ZNF532: variants seen among roughly 807,000 people sequenced by gnomAD.
ZNF532 encodes zinc finger protein 532.
In ZNF532, 22 loss-of-function variants were observed where a neutral mutation model predicts 89.3. The ratio of observed to expected loss-of-function variants is 0.25; its 90% CI spans 0.18 to 0.35. ZNF532 has a LOEUF of 0.35. ZNF532 is among the 10% of genes least tolerant of loss of function. The pLI, the probability that ZNF532 is intolerant of heterozygous loss-of-function variation, is 1.00. For synonymous variants in ZNF532, 606 were observed against 649.6 expected (o/e 0.93, Z 1.02); for missense variants, 1,132 against 1,643.4 (o/e 0.69, Z 5.38).
intron 3 of ZNF532, among the ~76,000 whole-genome samples, chr18:58,925,730 T>G (rs1048089036): frequency 2.6e-5 from 4 of 152,264 alleles, no homozygotes; most frequent in African/African-American, 9.6e-5. Flanking sequence ...CAACGTTTTA[T>G]AATTCTGTGA....
chr18:58,868,846 TAGAC>T (rs1275455833), intron 2 of ZNF532, among the ~76,000 whole-genome samples: 1 of 152,228 alleles, frequency 6.6e-6, no homozygotes, highest in African/African-American at 2.4e-5. Flanking sequence ...AATGTATCAT[TAGAC>T]AGTCTTGTCA....
At chr18:58,947,501 G>A (rs1467645680) in intron 5 of ZNF532, among the ~76,000 whole-genome samples, 2 of 152,140 alleles carry the variant, frequency 1.3e-5, no homozygotes, top group African/African-American at 2.4e-5. Flanking sequence ...CAGTGGTATC[G>A]ATTTTATTTT....
Position 58,920,024 on chromosome 18 carries a change from T to C in ZNF532, c.1737T>C (p.Ser579=). 1 of 1,613,832 alleles carries C rather than the reference T, an allele frequency of 6.2e-7. No homozygotes were observed. The highest frequency in any genetic ancestry group is 8.5e-7 in the Non-Finnish European group (1 of 1,179,812). Reference sequence around the variant, plus strand: ...AGGTGGTGTCGTCCTTGCAGAGTTCTGTGGTGGAAGCTTTCAACAAGGTGC... The same window carrying C: ...AGGTGGTGTCGTCCTTGCAGAGTTCCGTGGTGGAAGCTTTCAACAAGGTGC... The part of the protein sequence containing the change: ...RVQVVSSLQS[S]VVEAFNKVLS... Residue 579 remains serine, a synonymous_variant, in exon 3 of 10, where the codon TCT becomes TCC. Coordinates refer to ENST00000591808, the MANE Select transcript of ZNF532 (RefSeq NM_001375912.1).
At chr18:58,945,193 C>A (rs1158522796) in intron 5 of ZNF532, among the ~76,000 whole-genome samples, 2 of 152,206 alleles carry the variant, frequency 1.3e-5, no homozygotes, top group African/African-American at 4.8e-5. Context: ...CTTTGGCCGT[C>A]CAAAAGGGGA....
chr18:58,876,214 G>A (rs150177409), intron 2 of ZNF532, among the ~76,000 whole-genome samples: 8 of 152,148 alleles, frequency 5.3e-5, no homozygotes, highest in South Asian at 4.2e-4. Context: ...GATTACAGGC[G>A]TGAGCCACCG....
intron 2 of ZNF532, among the ~76,000 whole-genome samples, chr18:58,884,995 CTT>C (rs1190744693): frequency 1.9e-5 from 2 of 103,028 alleles, no homozygotes; most frequent in African/African-American, 7.5e-5. Context: ...TTTTTTTTTT[CTT>C]TTTTTTTTGA....
intron 7 of ZNF532, among the ~76,000 whole-genome samples, chr18:58,963,736 T>C (rs1159335003): frequency 6.7e-6 from 1 of 149,622 alleles, no homozygotes; most frequent in Admixed American, 6.7e-5. Flanking sequence ...GGCAGGAGGA[T>C]TGCTAGAGCC....
chr18:58,880,280 G>A (rs969271434), intron 2 of ZNF532, among the ~76,000 whole-genome samples: 2 of 152,160 alleles, frequency 1.3e-5, no homozygotes, highest in African/African-American at 4.8e-5. Context: ...ATGCAGCTAG[G>A]GAAACTCTGT....
intron 2 of ZNF532, among the ~76,000 whole-genome samples, chr18:58,888,607 C>T (rs766100467): frequency 9.7e-4 from 136 of 140,620 alleles, no homozygotes; most frequent in Non-Finnish European, 1.7e-3. Context: ...ACCTGGGAGG[C>T]GGAGGTTGCA....
chr18:58,892,097 G>C (rs2058942229), intron 2 of ZNF532, among the ~76,000 whole-genome samples: 1 of 152,084 alleles, frequency 6.6e-6, no homozygotes, highest in Admixed American at 6.5e-5. Context: ...AAGCGCATGA[G>C]TAAATTATTT....
intron 9 of ZNF532, 86 bp from the exon 10 acceptor site, chr18:58,983,886 C>A (rs182147865): frequency 6.7e-7 from 1 of 1,492,134 alleles, no homozygotes; most frequent in African/African-American, 1.4e-5. Context: ...GTTTTCCTGG[C>A]AGCTCTAAAG....
chr18:58,973,361 C>T (rs1396961926), intron 7 of ZNF532, among the ~76,000 whole-genome samples: 1 of 152,208 alleles, frequency 6.6e-6, no homozygotes, highest in East Asian at 1.9e-4. Flanking sequence ...CCTTGGCTTC[C>T]AAAGTGCTGG....
chr18:58,924,238 G>A (rs1044406046), intron 3 of ZNF532, among the ~76,000 whole-genome samples: 14 of 152,232 alleles, frequency 9.2e-5, no homozygotes, highest in African/African-American at 3.4e-4. Context: ...TGAATTGGAA[G>A]AGTATACCAG....
intron 9 of ZNF532, among the ~76,000 whole-genome samples, chr18:58,983,744 G>A (rs752407208): frequency 9.7e-4 from 66 of 67,696 alleles, no homozygotes; most frequent in Non-Finnish European, 1.1e-3. Context: ...GTCCACTGTT[G>A]TGCCCCACTG....
chr18:58,881,232 A>C (rs953403138), intron 2 of ZNF532, among the ~76,000 whole-genome samples: 3 of 151,776 alleles, frequency 2.0e-5, no homozygotes, highest in Non-Finnish European at 4.4e-5. Flanking sequence ...CCTGGGTTCA[A>C]GTGATTCTCC....
At chr18:58,916,506 C>T (rs1032800487) in intron 2 of ZNF532, among the ~76,000 whole-genome samples, 6 of 152,134 alleles carry the variant, frequency 3.9e-5, no homozygotes, top group East Asian at 1.9e-4. Flanking sequence ...TTTCCGCAGG[C>T]GCCCCTCTGA....
At chr18:58,951,587 T>C (rs1239535368) in intron 6 of ZNF532, among the ~76,000 whole-genome samples, 1 of 151,346 alleles carries the variant, frequency 6.6e-6, no homozygotes, top group Non-Finnish European at 1.5e-5. Flanking sequence ...CATGTCTTGC[T>C]CCAGATTTTC....
Position 58,920,432 on chromosome 18 carries a change from T to A in ZNF532, c.2145T>A (p.Thr715=), listed in dbSNP as rs1248797864. The A allele has an allele frequency of 4.3e-6, 7 of 1,613,904 alleles. No individual in the cohort carries two copies. The highest frequency in any genetic ancestry group is 5.9e-6 in the Non-Finnish European group (7 of 1,179,858). Residue 715 remains threonine, a synonymous_variant, in exon 3 of 10, where the codon ACT becomes ACA. Coordinates refer to ENST00000591808, the MANE Select transcript of ZNF532 (RefSeq NM_001375912.1). ...LQSPVGAGTH[T]VTKIQSGITG... ...GCCCTGTGGGAGCTGGCACACACAC[T>A]GTCACAAAAATTCAGTCTGGCATAA...
intron 6 of ZNF532, 78 bp from the exon 7 acceptor site, chr18:58,953,440 C>T: frequency 7.9e-7 from 1 of 1,273,284 alleles, no homozygotes; most frequent in Non-Finnish European, 1.1e-6. Flanking sequence ...ATGTGTACCA[C>T]ATGTTAAGAT....
Sources: gnomAD v4.1 joint callset for allele counts (sites outside exome capture counted in the v4.1 genomes callset) on GRCh38, gnomAD v4.1.1 for gene constraint, MANE v1.5 for transcripts, NCBI Gene and HGNC (gene_info 2026-07-23, HGNC 2026-07-21) for gene names.